Variants in ST3GAL2 observed in about 807,000 individuals in gnomAD.
The protein encoded by ST3GAL2 is CMP-N-acetylneuraminate-beta-galactosamide-alpha-2,3-sialyltransferase 2.
Under a neutral mutation model 37.5 loss-of-function variants are expected in ST3GAL2, and 16 were observed. That is an observed-to-expected ratio of 0.43 (90% CI 0.29 to 0.65). The LOEUF is 0.65. Ranked by LOEUF, ST3GAL2 falls within the 30% of genes least tolerant of loss-of-function variation. The probability of loss-of-function intolerance (pLI) is 0.17; values close to 1 mark genes in which losing one functional copy is unlikely to be tolerated. For synonymous variants in ST3GAL2, 238 were observed against 202.9 expected (o/e 1.17, Z -1.47); for missense variants, 383 against 487.8 (o/e 0.79, Z 2.02).
chr16:70,411,557 C>G (rs1390476597), intron 1 of ST3GAL2, among the ~76,000 whole-genome samples: 1 of 152,006 alleles, frequency 6.6e-6, no homozygotes, highest in African/African-American at 2.4e-5. Context: ...GTAGAAAGAT[C>G]GAGGGTCCTT....
Position 70,399,221 on chromosome 16 carries a change from G to T in ST3GAL2, c.-691C>A. ...TGCCCTTCTGCTTCCCATCTGAGGT[G>T]CTGGTCCCTTCTCCTGGTGGCCCCA... is the stretch of plus-strand genomic sequence containing the variant. On this transcript the variant is annotated 5_prime_UTR_variant, in exon 2 of 7. Transcript: ENST00000342907. The T allele has an allele frequency of 2.5e-6, 1 of 398,836 alleles. No individual in the cohort carries two copies. The highest frequency in any genetic ancestry group is 3.6e-5 in the East Asian group (1 of 28,082). 24.7% of individuals were successfully genotyped at this position (398,836 alleles called of 1,614,324 possible). A position where few individuals can be genotyped will look rare whatever the true frequency, so the allele number is the denominator to read the frequency against.
chr16:70,415,762 C>CTTT lies in ST3GAL2; in HGVS notation c.-1003-16232_-1003-16230dup, dbSNP rs1203693372. 1.0e-4 allele frequency among the ~76,000 whole-genome samples: 12 copies of CTTT among 115,920 alleles called. No individual in the cohort carries two copies. The South Asian group carries it at 1.5e-3, about 14-fold the overall frequency. 76.0% of individuals were successfully genotyped at this position (115,920 alleles called of 152,430 possible). A position where few individuals can be genotyped will look rare whatever the true frequency, so the allele number is the denominator to read the frequency against. ...TCCACCGTGCCCAGCTTCCAAGATT[C>CTTT]TTTTTTTTTTTTTTTTTTTTCTTTT... On this transcript the variant is annotated intron_variant, in intron 1 of 6. Coordinates refer to ENST00000342907, the MANE Select transcript of ST3GAL2 (RefSeq NM_006927.4).
intron 1 of ST3GAL2, among the ~76,000 whole-genome samples, chr16:70,415,089 T>A (rs997249729): frequency 1.3e-5 from 2 of 152,152 alleles, no homozygotes; most frequent in African/African-American, 4.8e-5. Flanking sequence ...TTAGCCAGGA[T>A]GGTCTCGATC....
intron 1 of ST3GAL2, among the ~76,000 whole-genome samples, chr16:70,432,365 C>T (rs1463195934): frequency 6.6e-6 from 1 of 152,088 alleles, no homozygotes; most frequent in East Asian, 1.9e-4. Flanking sequence ...CTCCTCCTGC[C>T]TCCACCCAAG....
chr16:70,392,045 G>A (rs1233423098), intron 3 of ST3GAL2, among the ~76,000 whole-genome samples: 1 of 152,322 alleles, frequency 6.6e-6, no homozygotes, highest in East Asian at 1.9e-4. Flanking sequence ...CACTGACTTG[G>A]CAGCCTGAGC....
chr16:70,399,392 C>A lies in ST3GAL2; in HGVS notation c.-862G>T. 1 of 398,854 alleles carries A rather than the reference C, an allele frequency of 2.5e-6. No homozygotes were observed. The highest frequency in any genetic ancestry group is 4.4e-6 in the Non-Finnish European group (1 of 226,258). The allele number at this position is 398,854 out of a possible 1,614,324, so 24.7% of individuals were successfully genotyped here. A position where few individuals can be genotyped will look rare whatever the true frequency, so the allele number is the denominator to read the frequency against. On this transcript the variant is annotated 5_prime_UTR_variant, in exon 2 of 7. Coordinates refer to ENST00000342907, the MANE Select transcript of ST3GAL2 (RefSeq NM_006927.4). Reference sequence around the variant, plus strand: ...CTTGTGCTGAGCTCCCTACCAGGGTCCAGGTCTCCTTCCTAATACTCCTGG... The same window carrying A: ...CTTGTGCTGAGCTCCCTACCAGGGTACAGGTCTCCTTCCTAATACTCCTGG...
At chr16:70,392,167 T>C (rs2151660650) in intron 3 of ST3GAL2, among the ~76,000 whole-genome samples, 1 of 152,330 alleles carries the variant, frequency 6.6e-6, no homozygotes, top group Middle Eastern at 3.4e-3. Flanking sequence ...GTTGGCCAGA[T>C]ACCAGCTTCC....
intron 1 of ST3GAL2, among the ~76,000 whole-genome samples, chr16:70,436,490 T>C (rs900650975): frequency 6.7e-6 from 1 of 149,834 alleles, no homozygotes; most frequent in Admixed American, 6.6e-5. Flanking sequence ...TCGCATCTGC[T>C]TGGATTAATC....
At chr16:70,412,989 C>G (rs1428167853) in intron 1 of ST3GAL2, among the ~76,000 whole-genome samples, 1 of 152,196 alleles carries the variant, frequency 6.6e-6, no homozygotes, top group Non-Finnish European at 1.5e-5. Context: ...TGGCACACAC[C>G]TGTAATCCCA....
chr16:70,410,466 G>A (rs1324824006), intron 1 of ST3GAL2, among the ~76,000 whole-genome samples: 2 of 151,172 alleles, frequency 1.3e-5, no homozygotes, highest in African/African-American at 2.4e-5. Context: ...TGTTAGCCAG[G>A]ATGGTCTTGA....
chr16:70,422,124 T>C (rs1400813800), intron 1 of ST3GAL2, among the ~76,000 whole-genome samples: 2 of 152,172 alleles, frequency 1.3e-5, no homozygotes, highest in African/African-American at 4.8e-5. Context: ...ATTCCAGGAC[T>C]GGCTGTGCTC....
Position 70,401,994 on chromosome 16 carries a change from CAAAAAAAAAAAA to C in ST3GAL2, c.-1003-2473_-1003-2462del, listed in dbSNP as rs749422742. Among the ~76,000 whole-genome samples the C allele has an allele frequency of 1.0e-4, 6 of 60,198 alleles. No homozygotes were observed. In the Admixed American group the frequency reaches 1.1e-3, roughly 11 times the overall value. 39.5% of individuals were successfully genotyped at this position (60,198 alleles called of 152,430 possible). ...GGGCGACAAGAGCAAAACTCTGCCT[CAAAAAAAAAAAA>C]AAAAAAAAAAAGACCAGGCATGGTG... is the stretch of plus-strand genomic sequence containing the variant. On this transcript the variant is annotated intron_variant, in intron 1 of 6. Transcript: ENST00000342907.
At position 70,388,113 on chromosome 16, in the gene ST3GAL2, C is replaced by CA. The variant is rs376190238; in HGVS notation, c.713+253dup. The stretch of plus-strand genomic sequence containing the variant: ...GGCAACAAGAGCGAAATTCTGTCTC[C>CA]AAAAAAAAAAAAAAACAAACAAAAA... On this transcript the variant is annotated intron_variant, in intron 4 of 6. Transcript: ENST00000342907. Among the ~76,000 whole-genome samples, 515 of 105,402 alleles carry CA rather than the reference C, an allele frequency of 4.9e-3. 4 individuals are homozygous for CA. The highest frequency in any genetic ancestry group is 0.022 in the East Asian group (85 of 3,780). The allele number at this position is 105,402 out of a possible 152,430, so 69.1% of individuals were successfully genotyped here.
At chr16:70,383,305 C>T in intron 4 of ST3GAL2, 70 bp from the exon 5 acceptor site, 1 of 1,458,712 alleles carries the variant, frequency 6.9e-7, no homozygotes, top group Admixed American at 2.2e-5. Context: ...AATCCCAGCA[C>T]TTTGGGAGGC....
intron 1 of ST3GAL2, among the ~76,000 whole-genome samples, chr16:70,409,542 C>T (rs1011710883): frequency 5.3e-5 from 8 of 152,052 alleles, no homozygotes; most frequent in Non-Finnish European, 1.0e-4. Context: ...GGGGTTTAAC[C>T]GTGTTGGCCA....
chr16:70,437,520 A>G (rs77662142), intron 1 of ST3GAL2, among the ~76,000 whole-genome samples: 1 of 138,994 alleles, frequency 7.2e-6, no homozygotes, highest in Non-Finnish European at 1.5e-5. Flanking sequence ...AAAAAAAAAA[A>G]TCTGAAGAGG....
At chr16:70,390,378 T>C (rs2047474660) in intron 3 of ST3GAL2, among the ~76,000 whole-genome samples, 1 of 152,234 alleles carries the variant, frequency 6.6e-6, no homozygotes, top group Non-Finnish European at 1.5e-5. Flanking sequence ...TGGCCTTTTA[T>C]AATTTTTTAA....
At position 70,419,302 on chromosome 16, in the gene ST3GAL2, G is replaced by A. The variant is rs151296845; in HGVS notation, c.-1004+19647C>T. Among the ~76,000 whole-genome samples, 12 of 152,290 alleles carry A rather than the reference G, an allele frequency of 7.9e-5. No individual in the cohort carries two copies. In the East Asian group the frequency reaches 2.1e-3, roughly 27 times the overall value. On this transcript the variant is annotated intron_variant, in intron 1 of 6. Transcript: ENST00000342907. ...CTTTGCGGCCCAGAGTTGAAGGACT[G>A]GACTTAAAAATCCACCATCTATCCC...
At chr16:70,419,366 C>A (rs1597572727) in intron 1 of ST3GAL2, among the ~76,000 whole-genome samples, 1 of 152,172 alleles carries the variant, frequency 6.6e-6, no homozygotes, top group East Asian at 1.9e-4. Flanking sequence ...GGAGAGAATA[C>A]CAGGAAAGAG....
Sources: gnomAD v4.1 joint callset for allele counts (sites outside exome capture counted in the v4.1 genomes callset) on GRCh38, gnomAD v4.1.1 for gene constraint, MANE v1.5 for transcripts, NCBI Gene and HGNC (gene_info 2026-07-23, HGNC 2026-07-21) for gene names.